ZNF565: variants seen among roughly 807,000 people sequenced by gnomAD.
ZNF565 encodes zinc finger protein 565.
A neutral mutation model predicts 39.4 loss-of-function variants in ZNF565; 27 were observed. The observed-to-expected ratio is 0.69, with a 90% CI of 0.51 to 0.95. ZNF565 has a LOEUF of 0.95. Ranked by LOEUF, ZNF565 falls within the 40% of genes least tolerant of loss-of-function variation. The probability of loss-of-function intolerance (pLI) is 0.00; values close to 1 mark genes in which losing one functional copy is unlikely to be tolerated. For missense variants in ZNF565, 524 were observed against 621.1 expected (o/e 0.84, Z 1.66); for synonymous variants, 185 against 216.6 (o/e 0.85, Z 1.28).
intron 1 of ZNF565, among the ~76,000 whole-genome samples, chr19:36,221,284 CTT>C (rs74172797): frequency 3.0e-5 from 3 of 98,682 alleles, no homozygotes; most frequent in East Asian, 2.9e-4. Flanking sequence ...TAAGGGACTG[CTT>C]TTTTTTTTTT....
In ZNF565 at chr19:36,195,938, A is replaced by AAT. The variant is rs201616646; in HGVS notation, c.10-784_10-783dup. Among the ~76,000 whole-genome samples, 546 of 122,878 alleles carry AAT rather than the reference A, an allele frequency of 4.4e-3. 3 individuals carry two copies. The highest frequency in any genetic ancestry group is 0.02 in the East Asian group (86 of 4,344). The allele number at this position is 122,878 out of a possible 152,430, so 80.6% of individuals were successfully genotyped here. ...GAAATATCTTAATGAGAAGATGAAG[A>AAT]ATTTTTTTTTTTTTTTGAGACAGAG... is the stretch of plus-strand genomic sequence containing the variant. On this transcript the variant is annotated intron_variant, in intron 2 of 4. Transcript: ENST00000304116.
chr19:36,243,437 C>G (rs1977831715), intron 1 of ZNF565, among the ~76,000 whole-genome samples: 1 of 152,178 alleles, frequency 6.6e-6, no homozygotes, highest in Non-Finnish European at 1.5e-5. Flanking sequence ...TATTTAACAC[C>G]CCAGAGTGAA....
At chr19:36,189,633 G>A (rs1001275034) in intron 4 of ZNF565, among the ~76,000 whole-genome samples, 2 of 151,860 alleles carry the variant, frequency 1.3e-5, no homozygotes, top group Non-Finnish European at 1.5e-5. Context: ...CTTATGTAAT[G>A]TATATTTTAT....
At chr19:36,233,151 T>TA (rs1044299543) in intron 1 of ZNF565, among the ~76,000 whole-genome samples, 13 of 152,160 alleles carry the variant, frequency 8.5e-5, no homozygotes, top group Admixed American at 7.9e-4. Flanking sequence ...GGGAGGCAGA[T>TA]ACGGGCAGAT....
At chr19:36,193,635 G>A (rs1213049877) in intron 4 of ZNF565, among the ~76,000 whole-genome samples, 1 of 151,154 alleles carries the variant, frequency 6.6e-6, no homozygotes, top group African/African-American at 2.4e-5. Flanking sequence ...TAGAGATGTG[G>A]TTTCACCATG....
Position 36,183,230 on chromosome 19 carries a change from T to A in ZNF565, c.736A>T (p.Thr246Ser). 6.2e-7 allele frequency: 1 copy of A among 1,614,136 alleles called. No individual in the cohort carries two copies. The highest frequency in any genetic ancestry group is 1.1e-5 in the South Asian group (1 of 91,082). The change falls in exon 5 of 5, where the codon ACT becomes TCT. Residue 246 changes from threonine to serine, a missense_variant. Physicochemically the swap from Thr to Ser is moderately conservative, Grantham distance 58. Coordinates refer to ENST00000304116, the MANE Select transcript of ZNF565 (RefSeq NM_152477.5). ...SELILHQRLH[T>S]GVKPYECKEC... ...TTACATTCATAAGGTTTGACACCAG[T>A]ATGAAGTCTCTGATGTAGAATAAGT... is the stretch of plus-strand genomic sequence containing the variant.
intron 1 of ZNF565, among the ~76,000 whole-genome samples, chr19:36,232,124 A>G (rs981818742): frequency 6.6e-6 from 1 of 150,604 alleles, no homozygotes; most frequent in South Asian, 2.1e-4. Flanking sequence ...AATCGGTTGA[A>G]CCTGGGAGGC....
chr19:36,195,592 T>TG (rs2145326942), intron 2 of ZNF565, among the ~76,000 whole-genome samples: 1 of 144,728 alleles, frequency 6.9e-6, no homozygotes, highest in East Asian at 2.0e-4. Flanking sequence ...TTGCCCAGGC[T>TG]AGAGTGCAAT....
At position 36,186,428 on chromosome 19, in the gene ZNF565, TTC is replaced by T. The variant is rs549621567; in HGVS notation, c.233-2697_233-2696del. ...TTTTCATTTACATATTCATCTGCTG[TTC>T]TGTTTGTTTTCTTGTTCCTGAATCT... On this transcript the variant is annotated intron_variant, in intron 4 of 4. Coordinates refer to ENST00000304116, the MANE Select transcript of ZNF565 (RefSeq NM_152477.5). Among the ~76,000 whole-genome samples the T allele has an allele frequency of 9.4e-4, 143 of 152,348 alleles. 1 individual carries two copies. The highest frequency in any genetic ancestry group is 2.0e-3 in the Non-Finnish European group (133 of 68,032).
chr19:36,185,358 G>A (rs1296906172), intron 4 of ZNF565, among the ~76,000 whole-genome samples: 1 of 150,744 alleles, frequency 6.6e-6, no homozygotes, highest in Non-Finnish European at 1.5e-5. Flanking sequence ...AGGTTGTGGT[G>A]AGCTGAGATC....
At chr19:36,226,473 A>G (rs981557008) in intron 1 of ZNF565, among the ~76,000 whole-genome samples, 5 of 152,216 alleles carry the variant, frequency 3.3e-5, no homozygotes, top group African/African-American at 4.8e-5. Context: ...GAAGAGTTGG[A>G]ATAGTACAGA....
At chr19:36,223,529 A>C (rs1976946303) in intron 1 of ZNF565, among the ~76,000 whole-genome samples, 1 of 151,468 alleles carries the variant, frequency 6.6e-6, no homozygotes, top group East Asian at 2.0e-4. Context: ...CGCCTGGTTA[A>C]TTTTTTCGTA....
At chr19:36,226,396 TG>T (rs970722430) in intron 1 of ZNF565, among the ~76,000 whole-genome samples, 1 of 152,160 alleles carries the variant, frequency 6.6e-6, no homozygotes, top group African/African-American at 2.4e-5. Context: ...ACATAGTGGA[TG>T]GGGGGTATAT....
At chr19:36,218,988 T>C (rs991711201), upstream of ZNF565, among the ~76,000 whole-genome samples, 13 of 151,150 alleles carry the variant, frequency 8.6e-5, no homozygotes, top group African/African-American at 3.2e-4. Context: ...TTTTGTATTT[T>C]TAGTAGAGAC....
At chr19:36,183,779 T>C (rs1055676960) in intron 4 of ZNF565, 46 bp from the exon 5 acceptor site, 1 of 1,534,312 alleles carries the variant, frequency 6.5e-7, no homozygotes, top group Non-Finnish European at 8.8e-7. Flanking sequence ...TCCTTCTCTA[T>C]GAGAAATAAA....
chr19:36,234,752 G>C (rs557686430), intron 1 of ZNF565, among the ~76,000 whole-genome samples: 1 of 152,268 alleles, frequency 6.6e-6, no homozygotes, highest in African/African-American at 2.4e-5. Context: ...TACCATATAT[G>C]TGGGTTTAAT....
intron 1 of ZNF565, chr19:36,203,429 A>G (rs1976039329): frequency 6.6e-6 from 1 of 152,066 alleles, no homozygotes; most frequent in Admixed American, 6.6e-5. Context: ...TGAACAATCA[A>G]TGGAGATAAC....
intron 1 of ZNF565, among the ~76,000 whole-genome samples, chr19:36,229,084 C>T (rs889692939): frequency 6.6e-6 from 1 of 152,256 alleles, no homozygotes; most frequent in Non-Finnish European, 1.5e-5. Flanking sequence ...ACTGTGGTGG[C>T]TGTTCTCCTT....
At chr19:36,235,994 C>G (rs1291900253) in intron 1 of ZNF565, 1 of 161,532 alleles carries the variant, frequency 6.2e-6, no homozygotes, top group Non-Finnish European at 1.3e-5. Flanking sequence ...ACGTTTGTAC[C>G]TCATCTGTTA....
Sources: allele counts gnomAD v4.1 joint callset (sites outside exome capture counted in the v4.1 genomes callset), GRCh38; gene constraint gnomAD v4.1.1; transcripts MANE v1.5; gene names NCBI Gene and HGNC (gene_info 2026-07-23, HGNC 2026-07-21).